CNBD1: variants seen among roughly 807,000 people sequenced by gnomAD.
CNBD1 encodes the protein cyclic nucleotide-binding domain-containing protein 1.
Under a neutral mutation model 54.4 loss-of-function variants are expected in CNBD1, and 71 were observed. The observed-to-expected ratio is 1.30, with a 90% CI of 1.08 to 1.59. CNBD1 has a LOEUF of 1.59. Among genes scored for constraint, CNBD1 ranks in the 40% most tolerant of loss-of-function variants. CNBD1 has a pLI of 0.00. For synonymous variants in CNBD1, 182 were observed against 170.7 expected (o/e 1.07, Z -0.51); for missense variants, 659 against 518.0 (o/e 1.27, Z -2.64).
intron 4 of CNBD1, among the ~76,000 whole-genome samples, chr8:87,033,013 T>C (rs963071093): frequency 6.6e-6 from 1 of 152,212 alleles, no homozygotes; most frequent in Non-Finnish European, 1.5e-5. Context: ...ACAGTTTCCT[T>C]GATTGACTCT....
intron 4 of CNBD1, among the ~76,000 whole-genome samples, chr8:87,030,022 G>A (rs187751372): frequency 1.3e-5 from 2 of 152,096 alleles, no homozygotes; most frequent in Non-Finnish European, 2.9e-5. Context: ...AGTGAATTCT[G>A]TACTCTGTTC....
intron 2 of CNBD1, among the ~76,000 whole-genome samples, chr8:87,390,276 C>T (rs1450409623): frequency 6.6e-6 from 1 of 152,078 alleles, no homozygotes; most frequent in African/African-American, 2.4e-5. Flanking sequence ...AGAGCTTCTG[C>T]ACAGCAAAAG....
chr8:86,936,625 C>G (rs924728492), intron 3 of CNBD1, among the ~76,000 whole-genome samples: 1 of 151,720 alleles, frequency 6.6e-6, no homozygotes, highest in African/African-American at 2.4e-5. Context: ...CGCCTGTAGT[C>G]CCAGCTACTC....
At chr8:87,269,178 C>CTTTCCCTAT (rs1808316706) in intron 6 of CNBD1, among the ~76,000 whole-genome samples, 4 of 151,938 alleles carry the variant, frequency 2.6e-5, no homozygotes, top group Non-Finnish European at 5.9e-5. Flanking sequence ...ACTGAATAGG[C>CTTTCCCTAT]AGTCCTTTCC....
intron 4 of CNBD1, among the ~76,000 whole-genome samples, chr8:86,951,317 G>A (rs1038569813): frequency 1.3e-5 from 2 of 151,722 alleles, no homozygotes; most frequent in East Asian, 1.9e-4. Context: ...GGCTGGGCAC[G>A]GTGGCTCATG....
At chr8:87,174,099 T>C (rs757614433) in intron 4 of CNBD1, among the ~76,000 whole-genome samples, 1 of 151,870 alleles carries the variant, frequency 6.6e-6, no homozygotes, top group Non-Finnish European at 1.5e-5. Context: ...GCTGGGACTA[T>C]AGGCGCACAC....
intron 6 of CNBD1, among the ~76,000 whole-genome samples, chr8:87,276,083 CA>C (rs1808474713): frequency 6.6e-6 from 1 of 151,800 alleles, no homozygotes; most frequent in African/African-American, 2.4e-5. Flanking sequence ...CAGTAGGAAT[CA>C]ATGGTAAATT....
At chr8:87,410,814 C>A (rs888872556) in intron 2 of CNBD1, among the ~76,000 whole-genome samples, 1 of 152,088 alleles carries the variant, frequency 6.6e-6, no homozygotes, top group African/African-American at 2.4e-5. Flanking sequence ...ACTGCCACAG[C>A]CACCCCAACT....
chr8:87,207,251 A>T (rs1813995875), intron 5 of CNBD1, among the ~76,000 whole-genome samples: 1 of 152,154 alleles, frequency 6.6e-6, no homozygotes, highest in East Asian at 1.9e-4. Flanking sequence ...AACAGTAAAA[A>T]ATATGGGAAC....
Position 87,142,847 on chromosome 8 carries a change from G to A in CNBD1, c.432-63146G>A, listed in dbSNP as rs1563485130. On this transcript the variant is annotated intron_variant, in intron 4 of 10. Transcript: ENST00000518476. ...TTTTTAACAAACCTGGAGTTTTTTT[G>A]TTGTGCTCGTTGTTCGTGAGATTTT... 1.3e-5 allele frequency among the ~76,000 whole-genome samples: 2 copies of A among 151,862 alleles called. 1 individual carries two copies. The highest frequency in any genetic ancestry group is 4.2e-4 in the South Asian group (2 of 4,810).
At chr8:87,316,726 G>A (rs958388842) in intron 8 of CNBD1, among the ~76,000 whole-genome samples, 1 of 151,688 alleles carries the variant, frequency 6.6e-6, no homozygotes, top group African/African-American at 2.4e-5. Flanking sequence ...GAATGAGGAA[G>A]ATCATAAGCA....
chr8:87,404,814 A>G (rs936982641), intron 2 of CNBD1, among the ~76,000 whole-genome samples: 4 of 136,848 alleles, frequency 2.9e-5, no homozygotes, highest in African/African-American at 5.6e-5. Flanking sequence ...CATCCTTTTT[A>G]TTTAATCTTT....
At chr8:87,356,608 A>G (rs924732229) in intron 10 of CNBD1, among the ~76,000 whole-genome samples, 16 of 152,300 alleles carry the variant, frequency 1.1e-4, no homozygotes, top group Non-Finnish European at 2.2e-4. Context: ...ACAATCATAT[A>G]TGAGCATAAA....
At chr8:87,370,240 C>A (rs75700939) in intron 10 of CNBD1, among the ~76,000 whole-genome samples, 40,726 of 151,724 alleles carry the variant, frequency 0.27, 6,404 homozygotes, top group Middle Eastern at 0.41. Flanking sequence ...TGGGTATATA[C>A]CCAGTAATGG....
intron 10 of CNBD1, among the ~76,000 whole-genome samples, chr8:87,366,383 G>T (rs1451233460): frequency 1.3e-5 from 2 of 151,968 alleles, no homozygotes; most frequent in African/African-American, 4.8e-5. Context: ...GTCACTCTCA[G>T]CCATCAGAGC....
Position 87,176,599 on chromosome 8 carries a change from C to G in CNBD1, c.432-29394C>G, listed in dbSNP as rs1813202620. Among the ~76,000 whole-genome samples the G allele has an allele frequency of 1.3e-5, 2 of 151,718 alleles. 1 individual carries two copies. Reference sequence around the variant, plus strand: ...TCCCGGGTTCAAGCAATTCTGCTGCCCCAGCCTCCCGATTAGCTGGGATTA... The same window carrying G: ...TCCCGGGTTCAAGCAATTCTGCTGCGCCAGCCTCCCGATTAGCTGGGATTA... On this transcript the variant is annotated intron_variant, in intron 4 of 10. Coordinates refer to ENST00000518476, the MANE Select transcript of CNBD1 (RefSeq NM_173538.3).
intron 1 of CNBD1, among the ~76,000 whole-genome samples, chr8:86,874,179 A>T (rs1271224639): frequency 2.0e-5 from 3 of 152,104 alleles, no homozygotes; most frequent in Non-Finnish European, 4.4e-5. Context: ...TTTTCTTCAG[A>T]TTGCTTTGAC....
intron 4 of CNBD1, among the ~76,000 whole-genome samples, chr8:87,057,795 G>T (rs2130633946): frequency 6.6e-6 from 1 of 152,222 alleles, no homozygotes; most frequent in Admixed American, 6.6e-5. Flanking sequence ...GTTGCAGTGA[G>T]CCAAGATCAT....
At chr8:87,202,325 G>C (rs1395322921) in intron 4 of CNBD1, among the ~76,000 whole-genome samples, 1 of 152,076 alleles carries the variant, frequency 6.6e-6, no homozygotes, top group East Asian at 1.9e-4. Context: ...ACAATACAAG[G>C]AAAGATACAG....
Sources: allele counts gnomAD v4.1 joint callset (sites outside exome capture counted in the v4.1 genomes callset), GRCh38; gene constraint gnomAD v4.1.1; transcripts MANE v1.5; gene names NCBI Gene and HGNC (gene_info 2026-07-23, HGNC 2026-07-21).